The following PDZD2 variants were observed in gnomAD, a reference collection of about 807,000 sequenced individuals.
PDZD2 encodes the protein PDZ domain-containing protein 2.
Under a neutral mutation model 220.7 loss-of-function variants are expected in PDZD2, and 90 were observed. That is an observed-to-expected ratio of 0.41 (90% CI 0.34 to 0.49). The LOEUF (loss-of-function observed/expected upper bound fraction) is 0.49. Among genes scored for constraint, PDZD2 ranks in the 20% least tolerant of loss-of-function variants. PDZD2 has a pLI of 0.28. For missense variants in PDZD2, 3,174 were observed against 3,608.5 expected (o/e 0.88, Z 3.08); for synonymous variants, 1,375 against 1,450.5 (o/e 0.95, Z 1.18).
chr5:32,021,781 C>A (rs1754220087), intron 6 of PDZD2, among the ~76,000 whole-genome samples: 1 of 152,138 alleles, frequency 6.6e-6, no homozygotes, highest in Non-Finnish European at 1.5e-5. Flanking sequence ...AAATTTATTT[C>A]CCCTTGAAAC....
At chr5:32,025,524 AC>A (rs1754569129) in intron 6 of PDZD2, among the ~76,000 whole-genome samples, 1 of 33,840 alleles carries the variant, frequency 3.0e-5, no homozygotes, top group African/African-American at 7.2e-5. Flanking sequence ...AAACTCTGTC[AC>A]AAAACAAACA....
intron 1 of PDZD2, among the ~76,000 whole-genome samples, chr5:31,682,607 A>C (rs1456889406): frequency 2.0e-5 from 3 of 152,102 alleles, no homozygotes; most frequent in Non-Finnish European, 4.4e-5. Flanking sequence ...ATAATGGTTT[A>C]ATTGAACTCT....
intron 2 of PDZD2, among the ~76,000 whole-genome samples, chr5:31,825,504 C>G (rs1189355699): frequency 6.6e-6 from 1 of 152,186 alleles, no homozygotes; most frequent in African/African-American, 2.4e-5. Context: ...TAAGCCCTAG[C>G]CAAAGAAAGG....
At chr5:31,907,540 G>A (rs1742768376) in intron 2 of PDZD2, among the ~76,000 whole-genome samples, 1 of 152,174 alleles carries the variant, frequency 6.6e-6, no homozygotes, top group Non-Finnish European at 1.5e-5. Context: ...GGGTTATTGT[G>A]CCTTTCCTTC....
intron 6 of PDZD2, among the ~76,000 whole-genome samples, chr5:32,019,076 C>A (rs977380665): frequency 6.7e-6 from 1 of 150,218 alleles, no homozygotes; most frequent in African/African-American, 2.4e-5. Flanking sequence ...GGCCTTGCTG[C>A]ATTTTTATCT....
At chr5:31,647,619 T>C (rs150750375) in intron 1 of PDZD2, among the ~76,000 whole-genome samples, 27 of 152,332 alleles carry the variant, frequency 1.8e-4, no homozygotes, top group Admixed American at 2.0e-4. Context: ...TGTCTGCATG[T>C]CTCTACTTTG....
At chr5:32,014,072 A>G (rs1207763549) in intron 6 of PDZD2, among the ~76,000 whole-genome samples, 1 of 152,186 alleles carries the variant, frequency 6.6e-6, no homozygotes, top group Non-Finnish European at 1.5e-5. Flanking sequence ...TTTTAGTTAT[A>G]TGTTCACAAT....
At chr5:31,816,887 T>A (rs980002291) in intron 2 of PDZD2, among the ~76,000 whole-genome samples, 2 of 152,308 alleles carry the variant, frequency 1.3e-5, no homozygotes. Context: ...TGGCAGCTGT[T>A]AAAAGCAGCA....
chr5:31,810,066 A>G (rs186732343), intron 2 of PDZD2, among the ~76,000 whole-genome samples: 3 of 152,312 alleles, frequency 2.0e-5, no homozygotes, highest in Admixed American at 2.0e-4. Flanking sequence ...GAAAGATAAA[A>G]GCATCTTAGT....
chr5:31,793,359 C>T (rs980220536), intron 1 of PDZD2, among the ~76,000 whole-genome samples: 4 of 152,150 alleles, frequency 2.6e-5, no homozygotes, highest in East Asian at 1.9e-4. Flanking sequence ...CTTTCATCCT[C>T]GGGCAGCCAG....
rs1251840861 is a variant in PDZD2 at position 31,752,068 on chromosome 5, G to GTT, written c.-360-46821_-360-46820insTT. Among the ~76,000 whole-genome samples, 224 of 95,884 alleles carry GTT rather than the reference G, an allele frequency of 2.3e-3. 44 individuals carry two copies. The highest frequency in any genetic ancestry group is 5.8e-3 in the African/African-American group (127 of 22,032). 62.9% of individuals were successfully genotyped at this position (95,884 alleles called of 152,430 possible). ...TTTGTTTGTTTGTTTTATTGTTTTG[G>GTT]GTTTGTTTTTTTTTTTTTTTTTCTG... On this transcript the variant is annotated intron_variant, in intron 1 of 24. Coordinates refer to ENST00000438447, the MANE Select transcript of PDZD2 (RefSeq NM_178140.4).
rs1437323044 is a variant in PDZD2, at chr5:31,671,208, A to G, written c.-361+31771A>G. Among the ~76,000 whole-genome samples, 6 of 152,212 alleles carry G rather than the reference A, an allele frequency of 3.9e-5. No individual in the cohort carries two copies. In the East Asian group the frequency reaches 7.7e-4, roughly 20 times the overall value. On this transcript the variant is annotated intron_variant, in intron 1 of 24. Coordinates refer to ENST00000438447, the MANE Select transcript of PDZD2 (RefSeq NM_178140.4). The stretch of plus-strand genomic sequence containing the variant: ...CACAGTACAGTCAGACAATGGGAAG[A>G]TAAGTGCAAGGAATGGAGTACAACC...
intron 3 of PDZD2, among the ~76,000 whole-genome samples, chr5:31,988,938 G>A (rs1236025521): frequency 9.2e-5 from 14 of 152,132 alleles, no homozygotes; most frequent in Admixed American, 8.5e-4. Flanking sequence ...TCTCCTCTTC[G>A]GTCTCCTGCG....
intron 4 of PDZD2, among the ~76,000 whole-genome samples, chr5:31,998,567 G>C (rs1225167190): frequency 6.6e-6 from 1 of 152,210 alleles, no homozygotes; most frequent in Non-Finnish European, 1.5e-5. Context: ...CGGAGCTTCT[G>C]GGCGTGTCGG....
intron 1 of PDZD2, among the ~76,000 whole-genome samples, chr5:31,746,257 A>T (rs1750599696): frequency 6.6e-6 from 1 of 152,194 alleles, no homozygotes; most frequent in South Asian, 2.1e-4. Flanking sequence ...AGTCCTTTTG[A>T]GTAGCTTCCT....
chr5:31,862,137 G>A (rs1480156451), intron 2 of PDZD2, among the ~76,000 whole-genome samples: 5 of 111,234 alleles, frequency 4.5e-5, no homozygotes, highest in East Asian at 2.9e-4. Flanking sequence ...ATGGAGTCTC[G>A]CTCTGTTGCC....
At chr5:32,001,400 C>A (rs980432666) in intron 5 of PDZD2, among the ~76,000 whole-genome samples, 1 of 152,122 alleles carries the variant, frequency 6.6e-6, no homozygotes, top group Non-Finnish European at 1.5e-5. Context: ...CTGGAGGAGG[C>A]GCTGTGAATC....
chr5:31,806,801 T>G (rs1754740818), intron 2 of PDZD2, among the ~76,000 whole-genome samples: 1 of 152,156 alleles, frequency 6.6e-6, no homozygotes, highest in Non-Finnish European at 1.5e-5. Flanking sequence ...TTGTTCCAAA[T>G]TGGTCGCAAA....
intron 3 of PDZD2, among the ~76,000 whole-genome samples, chr5:31,987,781 A>G (rs1198031955): frequency 6.6e-6 from 1 of 152,144 alleles, no homozygotes; most frequent in Admixed American, 6.6e-5. Context: ...GTGACCAACC[A>G]TCCTGGTTTG....
Sources: gnomAD v4.1 joint callset for allele counts (sites outside exome capture counted in the v4.1 genomes callset) on GRCh38, gnomAD v4.1.1 for gene constraint, MANE v1.5 for transcripts, NCBI Gene and HGNC (gene_info 2026-07-23, HGNC 2026-07-21) for gene names.